RBFOX3: variants seen among roughly 807,000 people sequenced by gnomAD.
RBFOX3 encodes RNA binding protein fox-1 homolog 3.
In RBFOX3, 17 loss-of-function variants were observed where a neutral mutation model predicts 48.7. That is an observed-to-expected ratio of 0.35 (90% CI 0.24 to 0.52). The LOEUF is 0.52. RBFOX3 is among the 20% of genes least tolerant of loss of function. RBFOX3 has a pLI of 0.94. For synonymous variants in RBFOX3, 212 were observed against 209.5 expected, an observed-to-expected ratio of 1.01 and a Z score of -0.10; for missense variants, 382 against 497.5, an observed-to-expected ratio of 0.77 and a Z score of 2.21.
intron 4 of RBFOX3, among the ~76,000 whole-genome samples, chr17:79,197,774 G>T (rs1269417203): frequency 6.6e-6 from 1 of 152,092 alleles, no homozygotes; most frequent in South Asian, 2.1e-4. Flanking sequence ...GTCTAGCTGG[G>T]CAGTTCCTCC....
intron 2 of RBFOX3, among the ~76,000 whole-genome samples, chr17:79,383,423 C>T (rs186217879): frequency 6.6e-6 from 1 of 152,394 alleles, no homozygotes; most frequent in East Asian, 1.9e-4. Context: ...TACCCTTCAG[C>T]ACAGAGACTT....
chr17:79,234,648 C>T (rs1015019204), intron 4 of RBFOX3: 1 of 150,648 alleles, frequency 6.6e-6, no homozygotes, highest in Non-Finnish European at 1.5e-5. Context: ...CTCCAACTTA[C>T]GAAGGTTTGA....
chr17:79,587,179 AC>A (rs1309335731), intron 1 of RBFOX3, among the ~76,000 whole-genome samples: 1 of 151,932 alleles, frequency 6.6e-6, no homozygotes, highest in Middle Eastern at 3.4e-3. Context: ...ACTCTCCAAG[AC>A]CCCCCGCAAC....
At chr17:79,411,940 G>A (rs919661053) in intron 2 of RBFOX3, among the ~76,000 whole-genome samples, 2 of 152,116 alleles carry the variant, frequency 1.3e-5, no homozygotes, top group Non-Finnish European at 2.9e-5. Flanking sequence ...TGTAGTATGT[G>A]TGCGTGTATG....
chr17:79,264,434 G>A (rs1375609994), intron 3 of RBFOX3, among the ~76,000 whole-genome samples: 2 of 151,722 alleles, frequency 1.3e-5, no homozygotes, highest in Non-Finnish European at 2.9e-5. Context: ...CGAACTCCTG[G>A]GCTCAAGCGA....
intron 4 of RBFOX3, among the ~76,000 whole-genome samples, chr17:79,223,286 T>A (rs1028409441): frequency 6.6e-6 from 1 of 152,114 alleles, no homozygotes; most frequent in African/African-American, 2.4e-5. Flanking sequence ...AACACACACA[T>A]GCACGGATGC....
chr17:79,602,362 A>G (rs1229515664), intron 1 of RBFOX3, among the ~76,000 whole-genome samples: 1 of 152,180 alleles, frequency 6.6e-6, no homozygotes, highest in East Asian at 1.9e-4. Flanking sequence ...AGTAATTCTC[A>G]CCTTAAATTT....
At chr17:79,656,221 G>T in the RBFOX3 span, among the ~76,000 whole-genome samples, 1 of 152,144 alleles carries the variant, frequency 6.6e-6, no homozygotes, top group Non-Finnish European at 1.5e-5. Flanking sequence ...TGCATTTCTG[G>T]TCACATTGTC....
intron 2 of RBFOX3, among the ~76,000 whole-genome samples, chr17:79,420,174 C>CACACACAA (rs1555721368): frequency 3.8e-5 from 3 of 79,686 alleles, no homozygotes; most frequent in Non-Finnish European, 8.1e-5. Context: ...CACACACACA[C>CACACACAA]AAAAGATGGT....
At chr17:79,274,067 C>T (rs912038596) in intron 3 of RBFOX3, among the ~76,000 whole-genome samples, 10 of 152,192 alleles carry the variant, frequency 6.6e-5, no homozygotes, top group Admixed American at 5.2e-4. Flanking sequence ...CAGGGGCGGA[C>T]GCTGACCCCA....
In RBFOX3 at chr17:79,101,656, G is replaced by A; in HGVS notation, c.508-12C>T. 1 of 1,550,686 alleles carries A rather than the reference G, an allele frequency of 6.4e-7. No homozygotes were observed. Reference sequence around the variant, plus strand: ...GTGGCATTATTGACCTGTTCAAAGAGGGAAGGAGAGAGAGGAAGAGGGAGG... The same window carrying A: ...GTGGCATTATTGACCTGTTCAAAGAAGGAAGGAGAGAGAGGAAGAGGGAGG... On this transcript the variant is annotated splice_polypyrimidine_tract_variant and intron_variant, in intron 8 of 14. Transcript: ENST00000693108.
chr17:79,629,453 T>G, the RBFOX3 span, among the ~76,000 whole-genome samples: 9 of 152,146 alleles, frequency 5.9e-5, no homozygotes, highest in African/African-American at 2.2e-4. Context: ...CCACTTCCAT[T>G]TTTTCCACCT....
chr17:79,610,037 C>T (rs2093935408), intron 1 of RBFOX3, among the ~76,000 whole-genome samples: 1 of 152,052 alleles, frequency 6.6e-6, no homozygotes, highest in Non-Finnish European at 1.5e-5. Context: ...GCCTCTGCTC[C>T]CGTTCCAGCC....
the RBFOX3 span, among the ~76,000 whole-genome samples, chr17:79,635,228 G>C: frequency 1.3e-5 from 2 of 152,126 alleles, no homozygotes; most frequent in Non-Finnish European, 2.9e-5. Flanking sequence ...GCCTGGTTAA[G>C]GGCTGGAGGG....
In RBFOX3 at chr17:79,204,448, C is replaced by T. The variant is rs148859240; in HGVS notation, c.-34+31318G>A. 4.7e-3 allele frequency among the ~76,000 whole-genome samples: 720 copies of T among 152,298 alleles called. 3 individuals are homozygous for T. Among genetic ancestry groups the T allele is most frequent in the Middle Eastern group, 0.02 (6 of 294 alleles). On this transcript the variant is annotated intron_variant, in intron 4 of 14. Coordinates refer to ENST00000693108, the MANE Select transcript of RBFOX3 (RefSeq NM_001350451.2). This position sits in a 1 kb window ranked among gnomAD's most constrained non-coding sequence, Gnocchi z 4.5. Reference sequence around the variant, plus strand: ...AGGGCTTAATATCCTGGAAAGGACACGCGTACCAGTCCAGTGAACAGCTCC... The same window carrying T: ...AGGGCTTAATATCCTGGAAAGGACATGCGTACCAGTCCAGTGAACAGCTCC...
At chr17:79,372,743 T>C (rs2058728129) in intron 2 of RBFOX3, among the ~76,000 whole-genome samples, 1 of 151,442 alleles carries the variant, frequency 6.6e-6, no homozygotes, top group African/African-American at 2.4e-5. Context: ...AAAAGGGGAG[T>C]CTGGGCAGGG....
the RBFOX3 span, among the ~76,000 whole-genome samples, chr17:79,647,261 C>T: frequency 2.6e-5 from 4 of 152,082 alleles, no homozygotes; most frequent in Admixed American, 6.5e-5. Context: ...GAAAGCCTGA[C>T]ACATCCATGG....
chr17:79,341,436 C>T (rs1378152260), intron 2 of RBFOX3, among the ~76,000 whole-genome samples: 1 of 152,220 alleles, frequency 6.6e-6, no homozygotes, highest in African/African-American at 2.4e-5. Context: ...ATACCTATCA[C>T]CAAGTTGTGC....
chr17:79,454,367 A>G (rs143549424), intron 2 of RBFOX3, among the ~76,000 whole-genome samples: 29 of 152,124 alleles, frequency 1.9e-4, no homozygotes, highest in Admixed American at 5.9e-4. Flanking sequence ...TGTCTGCTGT[A>G]TCCCTGCCCA....
Sources: gnomAD v4.1 joint callset for allele counts (sites outside exome capture counted in the v4.1 genomes callset) on GRCh38, gnomAD v4.1.1 for gene constraint, Gnocchi (gnomAD v3.1) non-coding constraint, MANE v1.5 for transcripts, NCBI Gene and HGNC (gene_info 2026-07-23, HGNC 2026-07-21) for gene names.